The following PI4KA variants were observed in gnomAD, a reference collection of about 807,000 sequenced individuals.
PI4KA encodes the protein phosphatidylinositol 4-kinase alpha.
In PI4KA, 122 loss-of-function variants were observed where a neutral mutation model predicts 271.4. The ratio of observed to expected loss-of-function variants is 0.45; its 90% CI spans 0.39 to 0.52. PI4KA has a LOEUF of 0.52. Ranked by LOEUF, PI4KA falls within the 20% of genes least tolerant of loss-of-function variation. The pLI is 0.00. For synonymous variants in PI4KA, 1,041 were observed against 1,078.8 expected (o/e 0.96, Z 0.69); for missense variants, 1,969 against 2,769.1 (o/e 0.71, Z 6.48).
intron 19 of PI4KA, among the ~76,000 whole-genome samples, chr22:20,774,976 T>C (rs990004819): frequency 2.6e-5 from 4 of 152,152 alleles, no homozygotes; most frequent in Non-Finnish European, 2.9e-5. Flanking sequence ...TCTACTACAC[T>C]ATTCTTTCAA....
chr22:20,805,736 G>A (rs1407013497), intron 10 of PI4KA, among the ~76,000 whole-genome samples: 1 of 151,676 alleles, frequency 6.6e-6, no homozygotes, highest in Non-Finnish European at 1.5e-5. Context: ...GGAGGCTGAG[G>A]CAGGAGAATG....
intron 19 of PI4KA, among the ~76,000 whole-genome samples, chr22:20,774,334 A>G (rs774296278): frequency 6.6e-6 from 1 of 152,230 alleles, no homozygotes; most frequent in Non-Finnish European, 1.5e-5. Flanking sequence ...GGGAGAGTTG[A>G]CAAACTTAGA....
At chr22:20,714,747 G>A (rs754497583) in intron 45 of PI4KA, 47 bp from the exon 46 acceptor site, 14 of 1,588,622 alleles carry the variant, frequency 8.8e-6, no homozygotes, top group Non-Finnish European at 1.2e-5. Context: ...TGTCACCACA[G>A]GTGAGCCAGA....
chr22:20,808,208 T>C (rs562023580), intron 9 of PI4KA, among the ~76,000 whole-genome samples: 1 of 151,504 alleles, frequency 6.6e-6, no homozygotes, highest in East Asian at 1.9e-4. Context: ...GAGAATTGCT[T>C]GAACCTGAAA....
chr22:20,858,661 G>GAGCCGGAGC lies in PI4KA; in HGVS notation c.56_64dup (p.Cys19_Gly21dup), dbSNP rs1339601750. On this transcript the variant is annotated inframe_insertion, in exon 1 of 55. Transcript: ENST00000255882. The stretch of plus-strand genomic sequence containing the variant: ...GAAGCCCCGCGAGGCGCTGGAGCCG[G>GAGCCGGAGC]AGCCGGAGCAGCCGCCGCCGCCTCC... 4 of 1,479,832 alleles carry GAGCCGGAGC rather than the reference G, an allele frequency of 2.7e-6. No homozygotes were observed. The Admixed American group carries it at 9.0e-5, about 33-fold the overall frequency. 91.7% of individuals were successfully genotyped at this position (1,479,832 alleles called of 1,614,324 possible). A position where few individuals can be genotyped will look rare whatever the true frequency, so the allele number is the denominator to read the frequency against.
intron 47 of PI4KA, 22 bp from the exon 48 acceptor site, chr22:20,713,412 G>A (rs86082): frequency 1.8e-4 from 276 of 1,543,842 alleles, no homozygotes; most frequent in Admixed American, 2.6e-4. Context: ...GAGAGAGGCC[G>A]CTGTTAGCCT....
intron 22 of PI4KA, among the ~76,000 whole-genome samples, chr22:20,763,268 C>T (rs1014367153): frequency 1.3e-5 from 2 of 151,880 alleles, no homozygotes; most frequent in African/African-American, 4.8e-5. Flanking sequence ...TGCACCACCA[C>T]ATCCAGCTAA....
chr22:20,747,425 G>T, intron 29 of PI4KA, 158 bp downstream of exon 29: 1 of 602,188 alleles, frequency 1.7e-6, no homozygotes. Context: ...TTTGGGCCAA[G>T]GTGCGGCTTG....
chr22:20,792,789 G>A (rs79462859), intron 19 of PI4KA, among the ~76,000 whole-genome samples: 2,859 of 152,312 alleles, frequency 0.019, 40 homozygotes, highest in Non-Finnish European at 0.03. Flanking sequence ...AGGCCTGAGC[G>A]CCGACAAGAG....
intron 19 of PI4KA, among the ~76,000 whole-genome samples, chr22:20,790,685 A>T (rs1486900960): frequency 7.5e-6 from 1 of 133,404 alleles, no homozygotes; most frequent in Non-Finnish European, 1.6e-5. Flanking sequence ...AAATAAAAAA[A>T]TTTAAAAAAA....
chr22:20,758,446 TTTTC>T (rs1399033452), intron 23 of PI4KA, among the ~76,000 whole-genome samples: 2 of 139,520 alleles, frequency 1.4e-5, no homozygotes, highest in Non-Finnish European at 3.0e-5. Context: ...TGTGTGTGAT[TTTTC>T]TTTCTTTTCT....
chr22:20,858,474 C>T, intron 1 of PI4KA, 96 bp downstream of exon 1: 1 of 935,788 alleles, frequency 1.1e-6, no homozygotes, highest in Non-Finnish European at 1.4e-6. Context: ...GCCGGCGAGC[C>T]CAGCCTCGGC....
At chr22:20,760,895 C>T (rs943984897) in intron 23 of PI4KA, among the ~76,000 whole-genome samples, 2 of 152,192 alleles carry the variant, frequency 1.3e-5, no homozygotes, top group African/African-American at 4.8e-5. Flanking sequence ...AACTCCTGGG[C>T]TCAAGCGATC....
intron 10 of PI4KA, among the ~76,000 whole-genome samples, chr22:20,805,764 G>A (rs1204541590): frequency 3.3e-5 from 5 of 151,488 alleles, no homozygotes; most frequent in South Asian, 2.1e-4. Flanking sequence ...CCCGGGAGGC[G>A]GAGCTTGCAG....
chr22:20,714,362 T>C (rs1925703765), intron 47 of PI4KA, 96 bp downstream of exon 47: 20 of 1,504,882 alleles, frequency 1.3e-5, no homozygotes, highest in Admixed American at 2.2e-5. Context: ...TCATCTTTTA[T>C]GGAGAGCTAT....
chr22:20,846,261 CTCA>C (rs1926231501), intron 1 of PI4KA, among the ~76,000 whole-genome samples: 1 of 64,250 alleles, frequency 1.6e-5, no homozygotes, highest in Non-Finnish European at 2.7e-5. Flanking sequence ...AAGACTCTAT[CTCA>C]AAAAAAAAAA....
chr22:20,742,178 G>A (rs376409343), intron 32 of PI4KA, 50 bp downstream of exon 32: 41 of 1,587,098 alleles, frequency 2.6e-5, no homozygotes, highest in South Asian at 9.1e-5. Context: ...GGCTCTTCCC[G>A]TCTGTTATCC....
chr22:20,765,911 G>A (rs965359166), intron 19 of PI4KA, among the ~76,000 whole-genome samples: 16 of 152,174 alleles, frequency 1.1e-4, no homozygotes, highest in African/African-American at 3.9e-4. Context: ...CTGTGCCAGG[G>A]AGGAAAAAGC....
chr22:20,735,129 C>T (rs2147257029), intron 32 of PI4KA, among the ~76,000 whole-genome samples: 1 of 151,520 alleles, frequency 6.6e-6, no homozygotes, highest in Admixed American at 6.6e-5. Flanking sequence ...CAGCCAGGTC[C>T]CCATTCCGTG....
Sources: gnomAD v4.1 joint callset for allele counts (sites outside exome capture counted in the v4.1 genomes callset) on GRCh38, gnomAD v4.1.1 for gene constraint, MANE v1.5 for transcripts, NCBI Gene and HGNC (gene_info 2026-07-23, HGNC 2026-07-21) for gene names.